The following DST variants were observed in gnomAD, a reference collection of about 807,000 sequenced individuals.
The protein encoded by DST is dystonin.
DST carries 253 observed loss-of-function variants against 875.2 expected under a neutral mutation model. That is an observed-to-expected ratio of 0.29 (90% CI 0.26 to 0.32). The LOEUF (loss-of-function observed/expected upper bound fraction) is 0.32, where lower values mean the gene tolerates loss of function less well. Ranked by LOEUF, DST falls within the 10% of genes least tolerant of loss-of-function variation. DST has a pLI of 1.00. For synonymous variants in DST, 3,124 were observed against 3,197.1 expected (o/e 0.98, Z 0.77); for missense variants, 8,287 against 9,111.6 (o/e 0.91, Z 3.68).
At chr6:56,836,341 C>A (rs1049972887) in intron 4 of DST, among the ~76,000 whole-genome samples, 1 of 152,120 alleles carries the variant, frequency 6.6e-6, no homozygotes, top group Non-Finnish European at 1.5e-5. Context: ...ATATACATAA[C>A]ATATATGTAT....
Position 56,605,563 on chromosome 6 carries a change from T to C in DST, c.9065A>G (p.Asp3022Gly). 1 of 1,613,164 alleles carries C rather than the reference T, an allele frequency of 6.2e-7. No individual in the cohort carries two copies. Among genetic ancestry groups the C allele is most frequent in the Non-Finnish European group, 8.5e-7 (1 of 1,179,378 alleles). The change falls in exon 40 of 104, where the codon GAC becomes GGC. Residue 3022 changes from aspartate (D) to glycine (G), a missense_variant. Asp to Gly is a moderately conservative substitution (Grantham distance 94). Coordinates refer to ENST00000680361, the MANE Select transcript of DST (RefSeq NM_001374736.1). ...GCTTCCATTTCCTTGAGGATCTTTGTCAGTTACAGAGGCTATCAATGACAA... is the reference window on the plus strand; with the variant it reads ...GCTTCCATTTCCTTGAGGATCTTTGCCAGTTACAGAGGCTATCAATGACAA... ...SHLSLIASVT[D>G]KDPQGNGSDL...
At chr6:56,864,444 C>A (rs1772944134) in intron 3 of DST, among the ~76,000 whole-genome samples, 1 of 148,454 alleles carries the variant, frequency 6.7e-6, no homozygotes, top group Non-Finnish European at 1.5e-5. Context: ...CTCACCTTTA[C>A]TACATTTCAG....
chr6:56,633,289 GGATCTC>G lies in DST; in HGVS notation c.3622-258_3622-253del, dbSNP rs1160998869. ...TCGCCCAGGCTGGAGTGCAGTGGCG[GGATCTC>G]GGCTCACTGCAAGCTCCGCCTCCCG... On this transcript the variant is annotated intron_variant, in intron 27 of 103. Coordinates refer to ENST00000680361, the MANE Select transcript of DST (RefSeq NM_001374736.1). Among the ~76,000 whole-genome samples the G allele has an allele frequency of 4.1e-5, 6 of 147,064 alleles. No individual in the cohort carries two copies. The East Asian group carries it at 1.2e-3, about 29-fold the overall frequency.
chr6:56,532,322 G>A (rs755336420), intron 64 of DST, 22 bp downstream of exon 64: 12 of 1,610,212 alleles, frequency 7.5e-6, no homozygotes, highest in Middle Eastern at 1.6e-4. Flanking sequence ...TCTTTCAAAA[G>A]AACTGGAAGT....
intron 58 of DST, 77 bp from the exon 59 acceptor site, chr6:56,557,595 A>G (rs2097447808): frequency 9.4e-7 from 1 of 1,060,004 alleles, no homozygotes; most frequent in Admixed American, 2.5e-5. Context: ...ACTGTATGGT[A>G]TGATTTAAAA....
chr6:56,476,901 G>A (rs902382020), intron 91 of DST, among the ~76,000 whole-genome samples: 1 of 151,918 alleles, frequency 6.6e-6, no homozygotes, highest in African/African-American at 2.4e-5. Flanking sequence ...GCAGTGAGCC[G>A]AGATCCAGCT....
intron 4 of DST, among the ~76,000 whole-genome samples, chr6:56,778,187 G>A (rs977263656): frequency 6.6e-6 from 1 of 151,858 alleles, no homozygotes; most frequent in East Asian, 1.9e-4. Flanking sequence ...TCAAGGAATT[G>A]GGAGCCTTTC....
At chr6:56,722,435 G>A (rs942341691) in intron 5 of DST, among the ~76,000 whole-genome samples, 1 of 152,102 alleles carries the variant, frequency 6.6e-6, no homozygotes, top group Non-Finnish European at 1.5e-5. Context: ...CCAGGCTGGA[G>A]TGCAGTGGTG....
chr6:56,882,997 A>T (rs1331767680), intron 3 of DST, among the ~76,000 whole-genome samples: 1 of 152,120 alleles, frequency 6.6e-6, no homozygotes, highest in East Asian at 1.9e-4. Flanking sequence ...CCTCCCAAGT[A>T]GCTGGAATTA....
rs1807524362 is a variant in DST, at chr6:56,926,967, AG to A, written c.217-26347del. On this transcript the variant is annotated intron_variant, in intron 2 of 103. Coordinates refer to ENST00000680361, the MANE Select transcript of DST (RefSeq NM_001374736.1). ...TATGCAGAGTCATACCTCCAAAAAC[AG>A]TATCAGTAGGTAACTTCAGCAGAGA... Among the ~76,000 whole-genome samples the A allele has an allele frequency of 2.0e-5, 3 of 152,208 alleles. No homozygotes were observed. In the South Asian group the frequency reaches 6.2e-4, roughly 32 times the overall value.
chr6:56,932,574 T>C (rs1324311828), intron 2 of DST, among the ~76,000 whole-genome samples: 1 of 152,104 alleles, frequency 6.6e-6, no homozygotes, highest in Non-Finnish European at 1.5e-5. Flanking sequence ...ACTCTGTATT[T>C]TCTCAAATAT....
intron 4 of DST, chr6:56,843,298 G>C (rs1029452444): frequency 1.1e-5 from 13 of 1,235,962 alleles, no homozygotes; most frequent in African/African-American, 6.2e-5. Flanking sequence ...GACGCAGAGC[G>C]GGGGCGCAGG....
At chr6:56,779,197 T>A (rs1049148644) in intron 4 of DST, among the ~76,000 whole-genome samples, 60 of 152,124 alleles carry the variant, frequency 3.9e-4, no homozygotes, top group Admixed American at 2.0e-4. Flanking sequence ...GAGAAGTGTC[T>A]GTTCAAATCC....
At position 56,552,277 on chromosome 6, in the gene DST, A is replaced by T; in HGVS notation, c.16515T>A (p.Ser5505=). The T allele has an allele frequency of 6.2e-7, 1 of 1,614,048 alleles. No homozygotes were observed. The highest frequency in any genetic ancestry group is 8.5e-7 in the Non-Finnish European group (1 of 1,179,896). Residue 5505 remains serine (S), a synonymous_variant, in exon 61 of 104, where the codon TCT becomes TCA. Coordinates refer to ENST00000680361, the MANE Select transcript of DST (RefSeq NM_001374736.1). ...GTTCTTCGGCTTTCTGGAGCAGAAT[A>T]GAAAATTCTTTCAATTTGCTGTAAA... ...EEFYSKLKEF[S]ILLQKAEEHE...
intron 2 of DST, among the ~76,000 whole-genome samples, chr6:56,938,108 C>CTCTCTCTCTCTCTCTCTCTATATATATA (rs1383243392): frequency 3.3e-5 from 4 of 120,754 alleles, no homozygotes; most frequent in African/African-American, 1.4e-4. Context: ...CTCTCTCTCT[C>CTCTCTCTCTCTCTCTCTCTATATATATA]TATATATATA....
chr6:56,521,350 A>C (rs1274388305), intron 69 of DST, among the ~76,000 whole-genome samples: 1 of 151,332 alleles, frequency 6.6e-6, no homozygotes, highest in Non-Finnish European at 1.5e-5. Flanking sequence ...TGGTTCCTGA[A>C]AAAAAAAATA....
At position 56,611,574 on chromosome 6, in the gene DST, G is replaced by C. The variant is rs1199859898; in HGVS notation, c.5081C>G (p.Thr1694Ser). Residue 1694 changes from threonine (T) to serine (S), a missense_variant, in exon 38 of 104, where the codon ACC becomes AGC. Physicochemically the swap from Thr to Ser is moderately conservative, Grantham distance 58. Coordinates refer to ENST00000680361, the MANE Select transcript of DST (RefSeq NM_001374736.1). ...KQKISSEEIS[T>S]KKEQLSEALQ... ...TGCTTCCGATAATTGTTCCTTCTTG[G>C]TTGATATTTCCTCACTGGAAATCTG... 5 of 1,612,362 alleles carry C rather than the reference G, an allele frequency of 3.1e-6. No individual in the cohort carries two copies. The highest frequency in any genetic ancestry group is 4.2e-6 in the Non-Finnish European group (5 of 1,179,134).
At chr6:56,943,794 A>G (rs1165562776) in intron 2 of DST, among the ~76,000 whole-genome samples, 1 of 152,032 alleles carries the variant, frequency 6.6e-6, no homozygotes, top group East Asian at 1.9e-4. Flanking sequence ...ACAGGGTAAG[A>G]CATAAGTAAG....
At position 56,535,218 on chromosome 6, in the gene DST, C is replaced by T; in HGVS notation, c.16845G>A (p.Leu5615=). Residue 5615 remains leucine (L), a synonymous_variant, in exon 63 of 104, where the codon CTG becomes CTA. Coordinates refer to ENST00000680361, the MANE Select transcript of DST (RefSeq NM_001374736.1). ...CCTCAGTGTCCACCATCCAGCTGAG[C>T]AGGGACTCCAGGGCATCCTGGAACC... ...CGRFQDALES[L]LSWMVDTEEL... is the part of the protein sequence containing the mutation. The T allele has an allele frequency of 6.2e-7, 1 of 1,613,592 alleles. No homozygotes were observed. The highest frequency in any genetic ancestry group is 8.5e-7 in the Non-Finnish European group (1 of 1,179,750).
Sources: allele counts gnomAD v4.1 joint callset (sites outside exome capture counted in the v4.1 genomes callset), GRCh38; gene constraint gnomAD v4.1.1; transcripts MANE v1.5; gene names NCBI Gene and HGNC (gene_info 2026-07-23, HGNC 2026-07-21).